SLC8A3: variants seen among roughly 807,000 people sequenced by gnomAD.
SLC8A3 encodes the protein sodium/calcium exchanger 3.
SLC8A3 carries 37 observed loss-of-function variants against 65.4 expected under a neutral mutation model. That is an observed-to-expected ratio of 0.57 (90% CI 0.44 to 0.74). The LOEUF is 0.74. Ranked by LOEUF, SLC8A3 falls within the 30% of genes least tolerant of loss-of-function variation. SLC8A3 has a pLI of 0.00. For missense variants in SLC8A3, 1,112 were observed against 1,172.1 expected (o/e 0.95, Z 0.75); for synonymous variants, 461 against 444.5 (o/e 1.04, Z -0.47).
chr14:70,070,939 A>G (rs1368140020), intron 2 of SLC8A3, among the ~76,000 whole-genome samples: 1 of 152,210 alleles, frequency 6.6e-6, no homozygotes, highest in East Asian at 1.9e-4. Context: ...AATGTCCACA[A>G]TTACTAAACA....
rs1422595019 is a variant in SLC8A3, at chr14:70,166,674, T to C, written c.1749A>G (p.Thr583=). Residue 583 remains threonine, a synonymous_variant, in exon 2 of 7, where the codon ACA becomes ACG. Coordinates refer to ENST00000356921, the MANE Select transcript of SLC8A3 (RefSeq NM_182932.3). ...AKGGGEDFED[T]YGELEFKNDE... ...CATTCTTGAATTCCAACTCCCCATATGTGTCTTCAAAGTCCTCACCGCCAC... is the reference window on the plus strand; with the variant it reads ...CATTCTTGAATTCCAACTCCCCATACGTGTCTTCAAAGTCCTCACCGCCAC... The C allele has an allele frequency of 2.5e-6, 4 of 1,610,790 alleles. No individual in the cohort carries two copies. In the East Asian group the frequency reaches 8.9e-5, roughly 36 times the overall value.
At chr14:70,160,313 C>G (rs777371159) in intron 2 of SLC8A3, among the ~76,000 whole-genome samples, 1 of 152,116 alleles carries the variant, frequency 6.6e-6, no homozygotes, top group Non-Finnish European at 1.5e-5. Context: ...GGCGTGGTGA[C>G]ATGCGTCTGT....
chr14:70,052,197 G>T, intron 3 of SLC8A3, 83 bp from the exon 4 acceptor site: 3 of 1,484,290 alleles, frequency 2.0e-6, no homozygotes, highest in Non-Finnish European at 2.7e-6. Flanking sequence ...GGCATGGGCA[G>T]TGGGTACAAA....
chr14:70,156,715 G>A (rs1896595519), intron 2 of SLC8A3, among the ~76,000 whole-genome samples: 1 of 152,270 alleles, frequency 6.6e-6, no homozygotes, highest in Non-Finnish European at 1.5e-5. Flanking sequence ...GTGCCTGCTG[G>A]CTCTGGCTGA....
At chr14:70,070,130 T>C (rs1889875940) in intron 2 of SLC8A3, among the ~76,000 whole-genome samples, 1 of 152,190 alleles carries the variant, frequency 6.6e-6, no homozygotes, top group South Asian at 2.1e-4. Flanking sequence ...GAGAGGGACT[T>C]TGGAGTACAT....
intron 2 of SLC8A3, among the ~76,000 whole-genome samples, chr14:70,159,903 A>G (rs8007664): frequency 0.06 from 9,200 of 152,148 alleles, 789 homozygotes; most frequent in East Asian, 0.37. Flanking sequence ...ATTCTCCCCG[A>G]TGTGCTCTCC....
At chr14:70,163,277 A>G (rs576317543) in intron 2 of SLC8A3, among the ~76,000 whole-genome samples, 5 of 152,340 alleles carry the variant, frequency 3.3e-5, no homozygotes, top group African/African-American at 9.6e-5. Context: ...GTGACTTGTT[A>G]AAAGTTACTG....
rs61736157 is a variant in SLC8A3 at position 70,166,983 on chromosome 14, G to A, written c.1440C>T (p.Phe480=). The change falls in exon 2 of 7, where the codon TTC becomes TTT. Residue 480 remains phenylalanine, a synonymous_variant. Transcript: ENST00000356921. ...TGCGGACATTGCTCAACCTTACAAA[G>A]AAGTGTTCATCCTCCTCAAAAATGT... is the stretch of plus-strand genomic sequence containing the variant. The part of the protein sequence containing the change: ...DDDIFEEDEH[F]FVRLSNVRIE... The A allele has an allele frequency of 4.8e-4, 780 of 1,614,072 alleles. 3 individuals carry two copies. The Admixed American group carries it at 8.0e-3, about 16-fold the overall frequency.
intron 2 of SLC8A3, among the ~76,000 whole-genome samples, chr14:70,098,124 A>G (rs1892310049): frequency 6.6e-6 from 1 of 152,194 alleles, no homozygotes; most frequent in Admixed American, 6.5e-5. Flanking sequence ...ATGGAAAGGG[A>G]GATCAGAGGT....
Position 70,167,234 on chromosome 14 carries a change from T to G in SLC8A3, c.1189A>C (p.Lys397Gln). 6.2e-7 allele frequency: 1 copy of G among 1,614,120 alleles called. No individual in the cohort carries two copies. The highest frequency in any genetic ancestry group is 8.5e-7 in the Non-Finnish European group (1 of 1,180,016). The change falls in exon 2 of 7, where the codon AAG becomes CAG. Residue 397 changes from lysine to glutamine, a missense_variant. Lys to Gln is a moderately conservative substitution (Grantham distance 53). Transcript: ENST00000356921. Reference protein sequence around the residue: ...HTDEPEDFISKVFFDPCSYQC... With the variant: ...HTDEPEDFISQVFFDPCSYQC... ...TAAGAACATGGGTCAAAGAAGACCT[T>G]GGAAATAAAGTCCTCAGGCTCATCG... is the stretch of plus-strand genomic sequence containing the variant.
chr14:70,166,545 C>G, intron 2 of SLC8A3, 94 bp downstream of exon 2: 1 of 765,980 alleles, frequency 1.3e-6, no homozygotes, highest in Non-Finnish European at 2.2e-6. Flanking sequence ...TTAACACAAA[C>G]ACAAGGAAAT....
intron 2 of SLC8A3, among the ~76,000 whole-genome samples, chr14:70,140,388 T>C (rs77430056): frequency 0.032 from 4,837 of 152,034 alleles, 129 homozygotes; most frequent in South Asian, 0.13. Flanking sequence ...AAACAGAGGG[T>C]AAGAGGTAAA....
intron 2 of SLC8A3, among the ~76,000 whole-genome samples, chr14:70,091,088 G>A (rs1250673184): frequency 2.6e-5 from 4 of 152,176 alleles, no homozygotes; most frequent in South Asian, 2.1e-4. Context: ...CAGCTGCAAC[G>A]ATAATGTGCA....
chr14:70,090,586 C>T (rs903215895), intron 2 of SLC8A3, among the ~76,000 whole-genome samples: 10 of 152,172 alleles, frequency 6.6e-5, no homozygotes, highest in African/African-American at 2.4e-4. Context: ...AATCATATTC[C>T]TTCCTGCCAC....
chr14:70,176,775 A>G (rs1239085712), intron 1 of SLC8A3, among the ~76,000 whole-genome samples: 3 of 152,200 alleles, frequency 2.0e-5, no homozygotes, highest in Non-Finnish European at 4.4e-5. Context: ...CTTGCTGTCT[A>G]CTTGGTTTAT....
At position 70,119,773 on chromosome 14, in the gene SLC8A3, C is replaced by A. The variant is rs533530659; in HGVS notation, c.1784+46866G>T. On this transcript the variant is annotated intron_variant, in intron 2 of 6. Transcript: ENST00000356921. Reference sequence around the variant, plus strand: ...TATACGTTAAAGAGGACAATAACCTCATAGGATTGTTGTGAAGATTAAATG... The same window carrying A: ...TATACGTTAAAGAGGACAATAACCTAATAGGATTGTTGTGAAGATTAAATG... Among the ~76,000 whole-genome samples the A allele has an allele frequency of 3.1e-4, 47 of 152,344 alleles. 2 individuals carry two copies. The South Asian group carries it at 9.3e-3, about 30-fold the overall frequency.
In SLC8A3 at chr14:70,053,628, AC is replaced by A. The variant is rs1444644380; in HGVS notation, c.1889-1515del. On this transcript the variant is annotated intron_variant, in intron 3 of 6. Coordinates refer to ENST00000356921, the MANE Select transcript of SLC8A3 (RefSeq NM_182932.3). ...AGTGACATATAAATGTACCTGTCTA[AC>A]CCCTTGTCTACCTATCAATCTAGCA... 6.6e-5 allele frequency among the ~76,000 whole-genome samples: 10 copies of A among 152,280 alleles called. No individual in the cohort carries two copies. The East Asian group carries it at 1.7e-3, about 26-fold the overall frequency.
chr14:70,117,161 A>G (rs994540498), intron 2 of SLC8A3, among the ~76,000 whole-genome samples: 2 of 152,198 alleles, frequency 1.3e-5, no homozygotes, highest in African/African-American at 4.8e-5. Context: ...AGCTGCTGAG[A>G]GTCTTGGTGC....
chr14:70,176,542 T>C (rs913958825), intron 1 of SLC8A3, among the ~76,000 whole-genome samples: 7 of 152,224 alleles, frequency 4.6e-5, no homozygotes, highest in African/African-American at 1.4e-4. Flanking sequence ...GACTATGACA[T>C]TTGCATCCCA....
Sources: gnomAD v4.1 joint callset for allele counts (sites outside exome capture counted in the v4.1 genomes callset) on GRCh38, gnomAD v4.1.1 for gene constraint, MANE v1.5 for transcripts, NCBI Gene and HGNC (gene_info 2026-07-23, HGNC 2026-07-21) for gene names.